The following CPNE8 variants were observed in gnomAD, a reference collection of about 807,000 sequenced individuals.
CPNE8 encodes the protein copine 8.
CPNE8 carries 45 observed loss-of-function variants against 81.5 expected under a neutral mutation model. The ratio of observed to expected loss-of-function variants is 0.55; its 90% CI spans 0.44 to 0.71. CPNE8 has a LOEUF of 0.71. Among genes scored for constraint, CPNE8 ranks in the 30% least tolerant of loss-of-function variants. The pLI is 0.00. For missense variants in CPNE8, 594 were observed against 672.1 expected, an observed-to-expected ratio of 0.88 and a Z score of 1.28; for synonymous variants, 252 against 226.3, an observed-to-expected ratio of 1.11 and a Z score of -1.02.
intron 6 of CPNE8, among the ~76,000 whole-genome samples, chr12:38,808,519 C>T (rs1200012668): frequency 3.4e-5 from 5 of 145,962 alleles, no homozygotes; most frequent in African/African-American, 7.7e-5. Flanking sequence ...ATCCAAACAC[C>T]GCATATTCTC....
chr12:38,733,558 AT>A (rs2136772245), intron 10 of CPNE8, among the ~76,000 whole-genome samples: 1 of 151,732 alleles, frequency 6.6e-6, no homozygotes, highest in South Asian at 2.1e-4. Context: ...TAATATAATT[AT>A]AACTAAAATA....
chr12:38,724,560 A>T (rs1240090046), intron 12 of CPNE8, among the ~76,000 whole-genome samples: 1 of 152,138 alleles, frequency 6.6e-6, no homozygotes, highest in Non-Finnish European at 1.5e-5. Flanking sequence ...TTATACTTGG[A>T]TTCCACTGAA....
At chr12:38,729,486 A>G (rs1325538845) in intron 11 of CPNE8, among the ~76,000 whole-genome samples, 3 of 152,054 alleles carry the variant, frequency 2.0e-5, no homozygotes, top group Non-Finnish European at 4.4e-5. Flanking sequence ...GGCCTAACAT[A>G]GAACATAAAA....
rs774169888 is a variant in CPNE8, at chr12:38,905,547, C to T, written c.-13G>A. 1 of 1,554,066 alleles carries T rather than the reference C, an allele frequency of 6.4e-7. No individual in the cohort carries two copies. On this transcript the variant is annotated 5_prime_UTR_variant, in exon 1 of 20. Coordinates refer to ENST00000331366, the MANE Select transcript of CPNE8 (RefSeq NM_153634.3). ...AGCGGCTGTCCATATTGGGAGGAGGCGCCTTGGACTTGTCCGGCGCCCACA... is the reference window on the plus strand; with the variant it reads ...AGCGGCTGTCCATATTGGGAGGAGGTGCCTTGGACTTGTCCGGCGCCCACA...
At chr12:38,905,669 G>C, upstream of CPNE8, 12 of 1,479,312 alleles carry the variant, frequency 8.1e-6, no homozygotes, top group South Asian at 7.9e-5. Flanking sequence ...CGCGCGGGAT[G>C]GGGGAGGGAA....
chr12:38,728,443 A>G (rs1250066249), intron 11 of CPNE8, among the ~76,000 whole-genome samples: 5 of 152,204 alleles, frequency 3.3e-5, no homozygotes. Flanking sequence ...TACAACTGAA[A>G]TGAAAAATTC....
rs1456716796 is a variant in CPNE8, at chr12:38,652,607, CACACACAAATAAAT to C, written c.*1261_*1274del. 1 of 152,564 alleles carries C rather than the reference CACACACAAATAAAT, an allele frequency of 6.6e-6. No homozygotes were observed. The highest frequency in any genetic ancestry group is 1.5e-5 in the Non-Finnish European group (1 of 68,006). 9.5% of individuals were successfully genotyped at this position (152,564 alleles called of 1,614,324 possible). On this transcript the variant is annotated 3_prime_UTR_variant, in exon 20 of 20. Transcript: ENST00000331366. ...AGCAGTTACATTTTTGACACACACA[CACACACAAATAAAT>C]ACACTTTTCTATTATTTGAAGGCAA...
intron 19 of CPNE8, 57 bp downstream of exon 19, chr12:38,670,668 TGTTA>T: frequency 8.8e-7 from 1 of 1,140,926 alleles, no homozygotes; most frequent in Non-Finnish European, 1.3e-6. Context: ...CTTCTAATTT[TGTTA>T]AAGATCCCAA....
At chr12:38,905,377 C>G in intron 1 of CPNE8, 60 bp downstream of exon 1, 1 of 1,529,542 alleles carries the variant, frequency 6.5e-7, no homozygotes, top group Non-Finnish European at 8.8e-7. Flanking sequence ...GAGCGCTCTC[C>G]AAGTGCTACC....
intron 3 of CPNE8, 58 bp downstream of exon 3, chr12:38,872,946 G>C: frequency 1.0e-6 from 1 of 965,020 alleles, no homozygotes. Flanking sequence ...TCTTGATCAA[G>C]TTATAACTTA....
chr12:38,674,605 A>G (rs2136647146), intron 18 of CPNE8, among the ~76,000 whole-genome samples: 1 of 152,260 alleles, frequency 6.6e-6, no homozygotes, highest in Admixed American at 6.5e-5. Context: ...ATAGAGATAG[A>G]GAAAATAACA....
rs552020693 is a variant in CPNE8, at chr12:38,768,120, A to G, written c.472-382T>C. On this transcript the variant is annotated intron_variant, in intron 7 of 19. Coordinates refer to ENST00000331366, the MANE Select transcript of CPNE8 (RefSeq NM_153634.3). ...CCTGTTCATTAAGGAAATATTTACT[A>G]AATTTTTACTACATATCTAGTATGT... Among the ~76,000 whole-genome samples, 6 of 151,764 alleles carry G rather than the reference A, an allele frequency of 4.0e-5. No homozygotes were observed. In the East Asian group the frequency reaches 9.7e-4, roughly 24 times the overall value.
At chr12:38,873,976 A>G (rs543336443) in intron 2 of CPNE8, among the ~76,000 whole-genome samples, 1 of 150,608 alleles carries the variant, frequency 6.6e-6, no homozygotes, top group African/African-American at 2.4e-5. Flanking sequence ...TTTTTTTAAG[A>G]GACGGGGTTG....
At chr12:38,712,326 T>C (rs1940280328) in intron 13 of CPNE8, among the ~76,000 whole-genome samples, 1 of 151,924 alleles carries the variant, frequency 6.6e-6, no homozygotes. Flanking sequence ...CCCTGCACCT[T>C]AGCCCACTGA....
At chr12:38,814,819 T>C (rs1942996978) in intron 6 of CPNE8, among the ~76,000 whole-genome samples, 1 of 152,098 alleles carries the variant, frequency 6.6e-6, no homozygotes, top group Non-Finnish European at 1.5e-5. Flanking sequence ...GCAAATAATA[T>C]AGCTTTTTAT....
In CPNE8 at chr12:38,788,780, A is replaced by G. The variant is rs141303664; in HGVS notation, c.408-12479T>C. Among the ~76,000 whole-genome samples the G allele has an allele frequency of 3.0e-3, 459 of 152,012 alleles. 5 individuals carry two copies. Among genetic ancestry groups the G allele is most frequent in the African/African-American group, 9.9e-3 (410 of 41,554 alleles). ...CAGTAAATTGAAGGATATAAAATCA[A>G]CGTAAAAATCAGTAGAATTTCTGTA... On this transcript the variant is annotated intron_variant, in intron 6 of 19. Transcript: ENST00000331366.
At chr12:38,887,382 G>A (rs1361816242) in intron 1 of CPNE8, among the ~76,000 whole-genome samples, 1 of 152,124 alleles carries the variant, frequency 6.6e-6, no homozygotes, top group African/African-American at 2.4e-5. Context: ...TCTTACGTAA[G>A]TCATTGTAAA....
At chr12:38,661,099 C>T (rs965864123) in intron 19 of CPNE8, among the ~76,000 whole-genome samples, 1 of 152,146 alleles carries the variant, frequency 6.6e-6, no homozygotes, top group African/African-American at 2.4e-5. Flanking sequence ...CCAGCCATCC[C>T]ATTACTGGGT....
At chr12:38,738,540 T>A (rs1329209309) in intron 10 of CPNE8, among the ~76,000 whole-genome samples, 3 of 152,174 alleles carry the variant, frequency 2.0e-5, no homozygotes, top group Non-Finnish European at 4.4e-5. Context: ...AAAATGTACA[T>A]TATGAAATTT....
Sources: gnomAD v4.1 joint callset for allele counts (sites outside exome capture counted in the v4.1 genomes callset) on GRCh38, gnomAD v4.1.1 for gene constraint, MANE v1.5 for transcripts, NCBI Gene and HGNC (gene_info 2026-07-23, HGNC 2026-07-21) for gene names.